Variants in TRAPPC9 observed in about 807,000 individuals in gnomAD.
TRAPPC9 encodes the protein IKK2 binding protein.
Under a neutral mutation model 124.0 loss-of-function variants are expected in TRAPPC9, and 83 were observed. The observed-to-expected ratio is 0.67, with a 90% CI of 0.56 to 0.80. The LOEUF (loss-of-function observed/expected upper bound fraction) is 0.80. Among genes scored for constraint, TRAPPC9 ranks in the 30% least tolerant of loss-of-function variants. The probability of loss-of-function intolerance (pLI) is 0.00; values close to 1 mark genes in which losing one functional copy is unlikely to be tolerated. For missense variants in TRAPPC9, 1,302 were observed against 1,508.3 expected, an observed-to-expected ratio of 0.86 and a Z score of 2.27; for synonymous variants, 638 against 617.5, an observed-to-expected ratio of 1.03 and a Z score of -0.49.
At chr8:140,249,175 C>T (rs12682161) in intron 16 of TRAPPC9, among the ~76,000 whole-genome samples, 30,326 of 151,950 alleles carry the variant, frequency 0.2, 4,839 homozygotes, top group East Asian at 0.87. Flanking sequence ...CCTCCCTGAC[C>T]CCTCACTCCC....
chr8:140,041,365 C>T (rs567495743), intron 17 of TRAPPC9, among the ~76,000 whole-genome samples: 13 of 152,372 alleles, frequency 8.5e-5, no homozygotes, highest in Middle Eastern at 3.4e-3. Context: ...TACACCTGCA[C>T]AGCAAGGTAA....
intron 19 of TRAPPC9, among the ~76,000 whole-genome samples, chr8:139,941,009 C>T (rs1833880922): frequency 6.6e-6 from 1 of 152,242 alleles, no homozygotes; most frequent in Non-Finnish European, 1.5e-5. Context: ...TCTCCCATCA[C>T]TGTCCTCACT....
Position 139,788,038 on chromosome 8 carries a change from T to C in TRAPPC9, c.3056-55836A>G, listed in dbSNP as rs1349454870. On this transcript the variant is annotated intron_variant, in intron 21 of 22. Coordinates refer to ENST00000438773, the MANE Select transcript of TRAPPC9 (RefSeq NM_001160372.4). This position sits in a 1 kb window ranked among gnomAD's most constrained non-coding sequence, Gnocchi z 4.9. The stretch of plus-strand genomic sequence containing the variant: ...CCTCCACCACTGCCAACCATGGTAC[T>C]ACAAAGGGCATGGACTCAGAACTAG... Among the ~76,000 whole-genome samples, 1 of 152,174 alleles carries C rather than the reference T, an allele frequency of 6.6e-6. No homozygotes were observed. The highest frequency in any genetic ancestry group is 2.4e-5 in the African/African-American group (1 of 41,440).
Position 139,951,422 on chromosome 8 carries a change from T to C in TRAPPC9, c.2810+37304A>G, listed in dbSNP as rs566018594. On this transcript the variant is annotated intron_variant, in intron 19 of 22. Coordinates refer to ENST00000438773, the MANE Select transcript of TRAPPC9 (RefSeq NM_001160372.4). ...TTCTGCTGCCTGGGGGCAGGTGTCC[T>C]CACTGCCACCATCCCGGCCTTTGCC... Among the ~76,000 whole-genome samples, 118 of 152,350 alleles carry C rather than the reference T, an allele frequency of 7.7e-4. 1 individual carries two copies. Among genetic ancestry groups the C allele is most frequent in the Admixed American group, 3.4e-3 (52 of 15,300 alleles).
intron 17 of TRAPPC9, among the ~76,000 whole-genome samples, chr8:140,187,003 C>T (rs760621561): frequency 6.6e-6 from 1 of 152,144 alleles, no homozygotes; most frequent in South Asian, 2.1e-4. Flanking sequence ...ACTCGATACT[C>T]GTCTCTACAC....
chr8:140,165,505 C>T (rs974924517), intron 17 of TRAPPC9, among the ~76,000 whole-genome samples: 2 of 149,332 alleles, frequency 1.3e-5, no homozygotes, highest in African/African-American at 2.5e-5. Context: ...CGCCACTGCA[C>T]GCCAGCCTGG....
intron 17 of TRAPPC9, among the ~76,000 whole-genome samples, chr8:140,088,142 C>T (rs1225711934): frequency 6.6e-6 from 1 of 152,106 alleles, no homozygotes; most frequent in Admixed American, 6.5e-5. Context: ...CTGGAACTGG[C>T]ACTCTCAGAA....
At chr8:139,797,353 G>A (rs894063583) in intron 21 of TRAPPC9, among the ~76,000 whole-genome samples, 3 of 152,080 alleles carry the variant, frequency 2.0e-5, no homozygotes, top group Admixed American at 6.5e-5. Context: ...TCCGCCTCCC[G>A]GGTTCAAGCA....
intron 9 of TRAPPC9, among the ~76,000 whole-genome samples, chr8:140,344,952 C>T (rs1164431771): frequency 6.6e-6 from 1 of 152,264 alleles, no homozygotes; most frequent in Admixed American, 6.5e-5. Flanking sequence ...TCCTGATGTA[C>T]TAGACGTGGG....
rs766369011 is a variant in TRAPPC9, at chr8:140,275,678, G to A, written c.2258C>T (p.Ser753Leu). The change falls in exon 15 of 23, where the codon TCG (serine) becomes TTG (leucine). Residue 753 changes from serine (S) to leucine (L), a missense_variant. By Grantham distance (145) the Ser-to-Leu change is moderately radical. Around this residue, in one of 3 missense-constraint regions of TRAPPC9, gnomAD observed 640 missense variants for 679.3 expected, o/e 0.94. Transcript: ENST00000438773. ...MEPLEKLEVT[S>L]KVLTTKEKLY... The stretch of plus-strand genomic sequence containing the variant: ...CCTACCTTTAGTGGTGAGAACTTTC[G>A]AGGTGACCTCCAGTTTCTCCAATGG... The A allele has an allele frequency of 3.9e-5, 63 of 1,614,008 alleles. 1 individual carries two copies. The Middle Eastern group carries it at 1.2e-3, about 29-fold the overall frequency.
At chr8:140,261,430 G>T (rs1252297630) in intron 15 of TRAPPC9, among the ~76,000 whole-genome samples, 1 of 152,180 alleles carries the variant, frequency 6.6e-6, no homozygotes, top group Admixed American at 6.5e-5. Context: ...CCAGATGAGA[G>T]ATCAGGCTTC....
At chr8:139,975,927 C>CTTTTTTTTTTTTTTTTTTTT (rs528679775) in intron 19 of TRAPPC9, among the ~76,000 whole-genome samples, 2 of 95,566 alleles carry the variant, frequency 2.1e-5, no homozygotes, top group African/African-American at 4.0e-5. Context: ...AAAGGACAGT[C>CTTTTTTTTTTTTTTTTTTTT]TTTTTTTTTT....
intron 2 of TRAPPC9, 88 bp downstream of exon 2, chr8:140,450,702 C>T (rs1444179384): frequency 1.9e-6 from 2 of 1,037,754 alleles, no homozygotes; most frequent in Non-Finnish European, 2.9e-6. Flanking sequence ...CAACACCTTT[C>T]TACTCCTTGC....
chr8:140,137,129 G>T (rs1440092378), intron 17 of TRAPPC9, among the ~76,000 whole-genome samples: 1 of 152,140 alleles, frequency 6.6e-6, no homozygotes, highest in African/African-American at 2.4e-5. Context: ...ACAGGGCTCG[G>T]GCAATGCACA....
rs1025740258 is a variant in TRAPPC9 at position 140,063,314 on chromosome 8, G to T, written c.2557-39235C>A. Among the ~76,000 whole-genome samples, 2 of 152,258 alleles carry T rather than the reference G, an allele frequency of 1.3e-5. No individual in the cohort carries two copies. The highest frequency in any genetic ancestry group is 4.8e-5 in the African/African-American group (2 of 41,550). ...TCCTCTTTGGCCCACGTGGCCTTCCGCTTCCTGTGCTCTCACCTCACGTCA... is the reference window on the plus strand; with the variant it reads ...TCCTCTTTGGCCCACGTGGCCTTCCTCTTCCTGTGCTCTCACCTCACGTCA... On this transcript the variant is annotated intron_variant, in intron 17 of 22. Transcript: ENST00000438773. The surrounding 1 kb of genome is among the most constrained non-coding windows in gnomAD (Gnocchi z 4.3).
intron 10 of TRAPPC9, among the ~76,000 whole-genome samples, chr8:140,306,494 A>G (rs1335085854): frequency 7.0e-6 from 1 of 142,784 alleles, no homozygotes; most frequent in Non-Finnish European, 1.6e-5. Flanking sequence ...CTCTGTCTCA[A>G]AAAAAAAAAA....
At chr8:140,313,355 C>A (rs2066353560) in intron 9 of TRAPPC9, among the ~76,000 whole-genome samples, 3 of 152,158 alleles carry the variant, frequency 2.0e-5, no homozygotes, top group Non-Finnish European at 4.4e-5. Flanking sequence ...GTGCCTCATG[C>A]CACTTGCACC....
At chr8:140,284,168 C>T in intron 13 of TRAPPC9, 147 bp from the exon 14 acceptor site, 1 of 970,050 alleles carries the variant, frequency 1.0e-6, no homozygotes, top group Non-Finnish European at 1.6e-6. Flanking sequence ...CACCCACACT[C>T]CCGCCCTCAA....
chr8:140,131,722 G>T (rs80205060), intron 17 of TRAPPC9, among the ~76,000 whole-genome samples: 1 of 152,194 alleles, frequency 6.6e-6, no homozygotes, highest in African/African-American at 2.4e-5. Flanking sequence ...GCTTGAGGGC[G>T]AGTCGCCTGG....
Sources: allele counts gnomAD v4.1 joint callset (sites outside exome capture counted in the v4.1 genomes callset), GRCh38; gene constraint gnomAD v4.1.1; regional missense constraint gnomAD v4.1.1; non-coding constraint Gnocchi (gnomAD v3.1); transcripts MANE v1.5; gene names NCBI Gene and HGNC (gene_info 2026-07-23, HGNC 2026-07-21).